The following SPOPL variants were observed in gnomAD, a reference collection of about 807,000 sequenced individuals.
SPOPL encodes the protein speckle-type POZ protein-like.
SPOPL carries 23 observed loss-of-function variants against 53.8 expected under a neutral mutation model. That is an observed-to-expected ratio of 0.43 (90% CI 0.31 to 0.61). SPOPL has a LOEUF of 0.61. Among genes scored for constraint, SPOPL ranks in the 20% least tolerant of loss-of-function variants. The pLI is 0.12. For synonymous variants in SPOPL, 164 were observed against 149.7 expected (o/e 1.10, Z -0.70); for missense variants, 442 against 466.9 (o/e 0.95, Z 0.49).
In SPOPL at chr2:138,547,115, G is replaced by A. The variant is rs369298752; in HGVS notation, c.-60-3042G>A. Among the ~76,000 whole-genome samples, 21 of 151,946 alleles carry A rather than the reference G, an allele frequency of 1.4e-4. No homozygotes were observed. In the East Asian group the frequency reaches 1.5e-3, roughly 11 times the overall value. ...GGAGTAGCTGGCATTATAGGCGCCCGCCCCCATGCCTGGCTTATTTTTGTA... is the reference window on the plus strand; with the variant it reads ...GGAGTAGCTGGCATTATAGGCGCCCACCCCCATGCCTGGCTTATTTTTGTA... On this transcript the variant is annotated intron_variant, in intron 1 of 10. Transcript: ENST00000280098.
At chr2:138,513,591 A>G (rs1180425840) in intron 1 of SPOPL, among the ~76,000 whole-genome samples, 1 of 151,830 alleles carries the variant, frequency 6.6e-6, no homozygotes, top group Non-Finnish European at 1.5e-5. Context: ...AAAATTAGCC[A>G]CATGTTGGTG....
chr2:138,569,331 A>ATT lies in SPOPL; in HGVS notation c.*259_*260dup. On this transcript the variant is annotated 3_prime_UTR_variant, in exon 11 of 11. Coordinates refer to ENST00000280098, the MANE Select transcript of SPOPL (RefSeq NM_001001664.3). ...CTTGTCTTGTTCATATAATACTTTA[A>ATT]TTTTTTTTTATTGTGCCTTGTCATT... 2 of 346,144 alleles carry ATT rather than the reference A, an allele frequency of 5.8e-6. No homozygotes were observed. Among genetic ancestry groups the ATT allele is most frequent in the Non-Finnish European group, 1.0e-5 (2 of 193,094 alleles). 21.4% of individuals were successfully genotyped at this position (346,144 alleles called of 1,614,324 possible).
chr2:138,529,236 A>G (rs953640208), intron 1 of SPOPL, among the ~76,000 whole-genome samples: 10 of 152,336 alleles, frequency 6.6e-5, no homozygotes, highest in Admixed American at 1.3e-4. Flanking sequence ...GTTAGCTACT[A>G]GAAATGGTTG....
intron 5 of SPOPL, among the ~76,000 whole-genome samples, chr2:138,555,045 ACAT>A (rs1465994370): frequency 6.6e-6 from 1 of 151,978 alleles, no homozygotes; most frequent in Non-Finnish European, 1.5e-5. Context: ...CCTTTTTCTC[ACAT>A]CATAACATGG....
chr2:138,526,632 C>T, intron 1 of SPOPL, among the ~76,000 whole-genome samples: 1 of 151,454 alleles, frequency 6.6e-6, no homozygotes. Flanking sequence ...TAATTGGGTT[C>T]AGAATACATT....
chr2:138,567,547 G>T (rs1295003370), intron 10 of SPOPL, among the ~76,000 whole-genome samples: 1 of 152,036 alleles, frequency 6.6e-6, no homozygotes, highest in African/African-American at 2.4e-5. Context: ...AGTAGTAGGT[G>T]TCCAGTAAAG....
chr2:138,556,072 A>G (rs1040213660), intron 5 of SPOPL, among the ~76,000 whole-genome samples: 1 of 152,312 alleles, frequency 6.6e-6, no homozygotes, highest in Non-Finnish European at 1.5e-5. Flanking sequence ...AATCCATTGC[A>G]TATGTCAATT....
intron 1 of SPOPL, among the ~76,000 whole-genome samples, chr2:138,530,281 T>C (rs1235743535): frequency 2.6e-5 from 4 of 152,212 alleles, no homozygotes; most frequent in Non-Finnish European, 4.4e-5. Flanking sequence ...ATATGTTCAC[T>C]GTGTGTGGAC....
chr2:138,519,313 A>G (rs1002991971), intron 1 of SPOPL, among the ~76,000 whole-genome samples: 14 of 152,194 alleles, frequency 9.2e-5, no homozygotes, highest in African/African-American at 3.4e-4. Flanking sequence ...CAGTGGTTGC[A>G]TAAAGATGGA....
intron 1 of SPOPL, among the ~76,000 whole-genome samples, chr2:138,517,524 A>G (rs1684464331): frequency 6.6e-6 from 1 of 150,444 alleles, no homozygotes; most frequent in South Asian, 2.1e-4. Context: ...GAGGATCGCA[A>G]GGTCAGGAGA....
chr2:138,569,691 T>C lies in SPOPL; in HGVS notation c.*611T>C, dbSNP rs951401403. On this transcript the variant is annotated 3_prime_UTR_variant, in exon 11 of 11. Coordinates refer to ENST00000280098, the MANE Select transcript of SPOPL (RefSeq NM_001001664.3). ...CCTAGATTTTTAGTGACATTTATGA[T>C]GTTTGTCTTGTATGTTAACTGTCCA... 6.6e-6 allele frequency: 1 copy of C among 152,336 alleles called. No homozygotes were observed. The highest frequency in any genetic ancestry group is 2.4e-5 in the African/African-American group (1 of 41,468). The allele number at this position is 152,336 out of a possible 1,614,324, so 9.4% of individuals were successfully genotyped here. A position where few individuals can be genotyped will look rare whatever the true frequency, so the allele number is the denominator to read the frequency against.
chr2:138,550,625 G>A lies in SPOPL; in HGVS notation c.200+21G>A, dbSNP rs750078475. ...AAATGGTAAGATTTTTGTTTGCTTT[G>A]AATTTTTGTTTTTTGTTTTTGATGT... On this transcript the variant is annotated intron_variant, in intron 3 of 10. Transcript: ENST00000280098. 5 of 1,579,292 alleles carry A rather than the reference G, an allele frequency of 3.2e-6. No homozygotes were observed. The African/African-American group carries it at 6.8e-5, about 22-fold the overall frequency.
chr2:138,515,380 T>C (rs1684416385), intron 1 of SPOPL, among the ~76,000 whole-genome samples: 1 of 152,332 alleles, frequency 6.6e-6, no homozygotes, highest in East Asian at 1.9e-4. Flanking sequence ...GGGGTTTTGC[T>C]ACAGTTGAAA....
At chr2:138,527,513 AT>A (rs1359173689) in intron 1 of SPOPL, among the ~76,000 whole-genome samples, 1 of 152,098 alleles carries the variant, frequency 6.6e-6, no homozygotes, top group East Asian at 1.9e-4. Flanking sequence ...TTATTTTGTC[AT>A]TTATTTTTAA....
chr2:138,560,048 A>G (rs558227963), intron 7 of SPOPL, among the ~76,000 whole-genome samples: 10 of 152,328 alleles, frequency 6.6e-5, no homozygotes, highest in South Asian at 2.1e-4. Flanking sequence ...GTCATATACT[A>G]TTGACATCAA....
chr2:138,561,748 A>G (rs1453949893), intron 8 of SPOPL, among the ~76,000 whole-genome samples: 2 of 152,152 alleles, frequency 1.3e-5, no homozygotes, highest in African/African-American at 4.8e-5. Context: ...GAGGGTTAAA[A>G]CCTACACATT....
At position 138,560,788 on chromosome 2, in the gene SPOPL, T is replaced by G; in HGVS notation, c.715-17T>G. On this transcript the variant is annotated splice_polypyrimidine_tract_variant and intron_variant, in intron 7 of 10. Coordinates refer to ENST00000280098, the MANE Select transcript of SPOPL (RefSeq NM_001001664.3). ...TTTTTTTTTTTTTAACATTTTTGTG[T>G]TGTTTTTCGATATCAGAATCGAGTG... The G allele has an allele frequency of 6.4e-7, 1 of 1,569,254 alleles. No homozygotes were observed. Among genetic ancestry groups the G allele is most frequent in the Non-Finnish European group, 8.6e-7 (1 of 1,166,584 alleles).
At chr2:138,519,822 A>C (rs1684519205) in intron 1 of SPOPL, among the ~76,000 whole-genome samples, 3 of 152,196 alleles carry the variant, frequency 2.0e-5, no homozygotes, top group African/African-American at 7.2e-5. Context: ...TTTTTAAAAA[A>C]GTAAAGTTTT....
chr2:138,567,372 AGTGTGTGTGTGT>A (rs57208490), intron 10 of SPOPL, among the ~76,000 whole-genome samples: 4,915 of 112,988 alleles, frequency 0.044, 178 homozygotes, highest in East Asian at 0.092. Flanking sequence ...AGAGCAGTAT[AGTGTGTGTGTGT>A]GTGTGTGTGT....
Sources: allele counts gnomAD v4.1 joint callset (sites outside exome capture counted in the v4.1 genomes callset), GRCh38; gene constraint gnomAD v4.1.1; transcripts MANE v1.5; gene names NCBI Gene and HGNC (gene_info 2026-07-23, HGNC 2026-07-21).